The following NLGN1 variants were observed in gnomAD, a reference collection of about 807,000 sequenced individuals.
NLGN1 encodes neuroligin 1, also known as neuroligin-1.
A neutral mutation model predicts 65.5 loss-of-function variants in NLGN1; 12 were observed. That is an observed-to-expected ratio of 0.18 (90% confidence interval 0.12 to 0.30). The LOEUF (loss-of-function observed/expected upper bound fraction) is 0.30, where lower values mean the gene tolerates loss of function less well. Among genes scored for constraint, NLGN1 ranks in the 10% least tolerant of loss-of-function variants. The pLI, the probability that NLGN1 is intolerant of heterozygous loss-of-function variation, is 1.00. For missense variants in NLGN1, 750 were observed against 1,007.1 expected (o/e 0.74, Z 3.46); for synonymous variants, 350 against 359.5 (o/e 0.97, Z 0.30).
intron 4 of NLGN1, among the ~76,000 whole-genome samples, chr3:173,926,304 T>A (rs1742994862): frequency 6.6e-6 from 1 of 152,346 alleles, no homozygotes; most frequent in Admixed American, 6.5e-5. Flanking sequence ...AATTATGATT[T>A]AAGTATACTA....
intron 4 of NLGN1, among the ~76,000 whole-genome samples, chr3:173,955,921 G>A (rs989672148): frequency 2.6e-5 from 4 of 151,874 alleles, no homozygotes; most frequent in Non-Finnish European, 4.4e-5. Flanking sequence ...AGGTCATTCC[G>A]AATACACAAG....
In NLGN1 at chr3:173,674,595, T is replaced by C. The variant is rs573987025; in HGVS notation, c.493+69504T>C. ...AACATTTTTTAAAGGAATAGAAAGC[T>C]GTCCTTTCCGAAATTAGATTCCTCT... On this transcript the variant is annotated intron_variant, in intron 3 of 6. Transcript: ENST00000457714. Among the ~76,000 whole-genome samples, 16 of 151,774 alleles carry C rather than the reference T, an allele frequency of 1.1e-4. No homozygotes were observed. The East Asian group carries it at 3.1e-3, about 29-fold the overall frequency.
chr3:173,912,102 G>A (rs1739728629), intron 4 of NLGN1, among the ~76,000 whole-genome samples: 1 of 152,104 alleles, frequency 6.6e-6, no homozygotes, highest in African/African-American at 2.4e-5. Context: ...TTTTTCAAAT[G>A]CAAAACATAG....
At chr3:173,607,036 A>G (rs1052082556) in intron 3 of NLGN1, among the ~76,000 whole-genome samples, 1 of 151,992 alleles carries the variant, frequency 6.6e-6, no homozygotes, top group Admixed American at 6.6e-5. Context: ...GATGCTATTG[A>G]AGAATGCATA....
intron 4 of NLGN1, among the ~76,000 whole-genome samples, chr3:174,162,268 A>C (rs1329262330): frequency 6.6e-6 from 1 of 151,900 alleles, no homozygotes; most frequent in Non-Finnish European, 1.5e-5. Flanking sequence ...GGCTCTGTTT[A>C]ATCAGTTCTT....
chr3:173,583,158 T>G (rs983410693), intron 2 of NLGN1, among the ~76,000 whole-genome samples: 6 of 152,218 alleles, frequency 3.9e-5, no homozygotes, highest in Admixed American at 3.9e-4. Context: ...ATAGTTCATA[T>G]TGGAACTTCC....
chr3:173,711,905 C>T (rs879796938), intron 3 of NLGN1, among the ~76,000 whole-genome samples: 1 of 152,128 alleles, frequency 6.6e-6, no homozygotes, highest in Non-Finnish European at 1.5e-5. Context: ...CAGTAGTGTT[C>T]CAAGTCTGGA....
chr3:174,246,961 C>T (rs1003736383), intron 4 of NLGN1, among the ~76,000 whole-genome samples: 1 of 152,126 alleles, frequency 6.6e-6, no homozygotes, highest in Admixed American at 6.5e-5. Flanking sequence ...TGATCCTTAG[C>T]CTCATTATGC....
chr3:173,649,265 A>G (rs554254290), intron 3 of NLGN1, among the ~76,000 whole-genome samples: 1 of 152,104 alleles, frequency 6.6e-6, no homozygotes, highest in African/African-American at 2.4e-5. Flanking sequence ...ATTCCAAAGA[A>G]TATAAGAACA....
At chr3:174,272,222 C>CTA (rs1561443520) in intron 4 of NLGN1, among the ~76,000 whole-genome samples, 2 of 151,606 alleles carry the variant, frequency 1.3e-5, no homozygotes, top group African/African-American at 4.8e-5. Flanking sequence ...AATGACTGGA[C>CTA]TATAGTTGAG....
At chr3:173,525,575 T>G (rs1006619259) in intron 2 of NLGN1, among the ~76,000 whole-genome samples, 1 of 152,060 alleles carries the variant, frequency 6.6e-6, no homozygotes, top group African/African-American at 2.4e-5. Context: ...CTTTTATATC[T>G]TTTTTAATTT....
intron 4 of NLGN1, among the ~76,000 whole-genome samples, chr3:173,967,858 A>G (rs2152363851): frequency 6.6e-6 from 1 of 152,246 alleles, no homozygotes; most frequent in Middle Eastern, 3.4e-3. Context: ...TCTTTTTTAG[A>G]AATTTGACAT....
intron 3 of NLGN1, among the ~76,000 whole-genome samples, chr3:173,747,932 G>C (rs1026818804): frequency 6.8e-6 from 1 of 146,444 alleles, no homozygotes; most frequent in Admixed American, 7.1e-5. Context: ...TCATGCCTCA[G>C]CCTCTTGAGT....
At chr3:173,675,319 C>G (rs1762971799) in intron 3 of NLGN1, among the ~76,000 whole-genome samples, 1 of 151,980 alleles carries the variant, frequency 6.6e-6, no homozygotes, top group Non-Finnish European at 1.5e-5. Context: ...TTTCAAAATG[C>G]CAGAATCCCA....
intron 4 of NLGN1, among the ~76,000 whole-genome samples, chr3:174,126,974 GATA>G (rs1719077010): frequency 1.4e-4 from 22 of 152,116 alleles, no homozygotes; most frequent in Admixed American, 1.4e-3. Context: ...CTATTGGTAA[GATA>G]GATAGTTAGA....
intron 2 of NLGN1, among the ~76,000 whole-genome samples, chr3:173,467,654 T>C (rs1724593501): frequency 6.6e-6 from 1 of 152,106 alleles, no homozygotes; most frequent in Non-Finnish European, 1.5e-5. Flanking sequence ...TGTTTATAAG[T>C]GAGATAAATG....
chr3:173,888,063 A>G (rs1734688157), intron 4 of NLGN1, among the ~76,000 whole-genome samples: 1 of 152,074 alleles, frequency 6.6e-6, no homozygotes, highest in Non-Finnish European at 1.5e-5. Flanking sequence ...CATGGTGTAT[A>G]TGAATCACCC....
chr3:173,789,210 A>AAG (rs1049118610), intron 3 of NLGN1, among the ~76,000 whole-genome samples: 5 of 151,746 alleles, frequency 3.3e-5, no homozygotes, highest in South Asian at 4.2e-4. Flanking sequence ...AAAAAAAAGA[A>AAG]AGAGAGAGAG....
chr3:173,402,875 C>T (rs141028558), intron 1 of NLGN1, among the ~76,000 whole-genome samples: 23 of 152,214 alleles, frequency 1.5e-4, no homozygotes, highest in Admixed American at 1.1e-3. Flanking sequence ...TCATCATGGT[C>T]GGTCCCTTGA....
Sources: gnomAD v4.1 joint callset for allele counts (sites outside exome capture counted in the v4.1 genomes callset) on GRCh38, gnomAD v4.1.1 for gene constraint, MANE v1.5 for transcripts, NCBI Gene and HGNC (gene_info 2026-07-23, HGNC 2026-07-21) for gene names.